The following CDH12 variants were observed in gnomAD, a reference collection of about 807,000 sequenced individuals.
The protein encoded by CDH12 is cadherin 12, also known as cadherin-12.
Under a neutral mutation model 74.1 loss-of-function variants are expected in CDH12, and 41 were observed. The ratio of observed to expected loss-of-function variants is 0.55; its 90% confidence interval spans 0.43 to 0.72. The LOEUF (loss-of-function observed/expected upper bound fraction) is 0.72. Among genes scored for constraint, CDH12 ranks in the 30% least tolerant of loss-of-function variants. The pLI, the probability that CDH12 is intolerant of heterozygous loss-of-function variation, is 0.00. For synonymous variants in CDH12, 399 were observed against 355.0 expected, an observed-to-expected ratio of 1.12 and a Z score of -1.39; for missense variants, 945 against 977.2, an observed-to-expected ratio of 0.97 and a Z score of 0.44.
At chr5:22,247,187 A>T (rs1302270458) in intron 3 of CDH12, among the ~76,000 whole-genome samples, 3 of 152,220 alleles carry the variant, frequency 2.0e-5, no homozygotes, top group South Asian at 4.1e-4. Flanking sequence ...ATTTAAAAAC[A>T]TTTACTGGCT....
At chr5:22,771,984 A>T (rs959797544) in intron 1 of CDH12, among the ~76,000 whole-genome samples, 3 of 152,042 alleles carry the variant, frequency 2.0e-5, no homozygotes, top group African/African-American at 7.2e-5. Flanking sequence ...ATTGACAACT[A>T]TAGAGGACAT....
chr5:22,384,342 G>T (rs1741898948), intron 3 of CDH12, among the ~76,000 whole-genome samples: 1 of 151,034 alleles, frequency 6.6e-6, no homozygotes, highest in South Asian at 2.1e-4. Context: ...GGCTAACACG[G>T]TGAAACCCCG....
intron 4 of CDH12, among the ~76,000 whole-genome samples, chr5:22,114,121 G>C (rs1427645184): frequency 6.6e-6 from 1 of 152,116 alleles, no homozygotes; most frequent in East Asian, 1.9e-4. Context: ...AACAGCAGTA[G>C]GAGCTTTTTG....
At position 22,552,179 on chromosome 5, in the gene CDH12, A is replaced by T. The variant is rs559280219; in HGVS notation, c.-522-46815T>A. On this transcript the variant is annotated intron_variant, in intron 1 of 14. Transcript: ENST00000382254. ...TTTATTATGTTGAGACTTTAAATAT[A>T]CAAAGGGGAGAGCTCCTTCTATAGC... 1.8e-3 allele frequency among the ~76,000 whole-genome samples: 275 copies of T among 152,226 alleles called. 2 individuals are homozygous for T. Among genetic ancestry groups the T allele is most frequent in the African/African-American group, 6.5e-3 (272 of 41,544 alleles).
intron 5 of CDH12, among the ~76,000 whole-genome samples, chr5:21,982,292 A>G (rs1364032110): frequency 1.3e-5 from 2 of 152,020 alleles, no homozygotes; most frequent in Non-Finnish European, 2.9e-5. Flanking sequence ...CAATTAAAAC[A>G]TTGGCTTTTC....
chr5:22,468,816 A>G (rs1384153946), intron 2 of CDH12, among the ~76,000 whole-genome samples: 3 of 152,198 alleles, frequency 2.0e-5, no homozygotes, highest in Non-Finnish European at 4.4e-5. Context: ...TTAGATAGAT[A>G]CAGATATACA....
chr5:22,604,336 A>T (rs1736994192), intron 1 of CDH12, among the ~76,000 whole-genome samples: 1 of 152,212 alleles, frequency 6.6e-6, no homozygotes, highest in Non-Finnish European at 1.5e-5. Flanking sequence ...GTTCATGATC[A>T]CAAAGCTGTG....
At chr5:21,860,178 ATGTT>A (rs540771401) in intron 6 of CDH12, among the ~76,000 whole-genome samples, 170 of 152,192 alleles carry the variant, frequency 1.1e-3, no homozygotes, top group African/African-American at 3.9e-3. Context: ...TGTTAAGAAT[ATGTT>A]TGTGCATGTA....
At chr5:22,570,146 C>G (rs1364934859) in intron 1 of CDH12, among the ~76,000 whole-genome samples, 1 of 151,928 alleles carries the variant, frequency 6.6e-6, no homozygotes, top group African/African-American at 2.4e-5. Context: ...ACCTTCACCT[C>G]CCAGGTTCAA....
chr5:21,918,616 A>C (rs1754215072), intron 6 of CDH12, among the ~76,000 whole-genome samples: 1 of 151,954 alleles, frequency 6.6e-6, no homozygotes. Flanking sequence ...GGACTACAAA[A>C]CCATCAGCTC....
At chr5:22,021,992 T>A (rs1259130255) in intron 5 of CDH12, among the ~76,000 whole-genome samples, 4 of 152,126 alleles carry the variant, frequency 2.6e-5, no homozygotes, top group Non-Finnish European at 5.9e-5. Flanking sequence ...CATGACACTA[T>A]GCCTAGATAA....
rs374865223 is a variant in CDH12 at position 22,236,585 on chromosome 5, C to A, written c.-332-23942G>T. 8.6e-5 allele frequency among the ~76,000 whole-genome samples: 13 copies of A among 151,824 alleles called. No individual in the cohort carries two copies. The East Asian group carries it at 1.9e-3, about 23-fold the overall frequency. ...CCATCTCTACTAAAAATACAAAAAA[C>A]ACACACAAAAAATTAGCTGGACATT... On this transcript the variant is annotated intron_variant, in intron 3 of 14. Transcript: ENST00000382254.
At chr5:22,399,749 G>A (rs1742633403) in intron 3 of CDH12, among the ~76,000 whole-genome samples, 1 of 151,606 alleles carries the variant, frequency 6.6e-6, no homozygotes, top group Non-Finnish European at 1.5e-5. Flanking sequence ...CTAAATGCAG[G>A]TTTTGAAATG....
chr5:22,633,875 C>T (rs1738703732), intron 1 of CDH12, among the ~76,000 whole-genome samples: 1 of 152,164 alleles, frequency 6.6e-6, no homozygotes, highest in Non-Finnish European at 1.5e-5. Flanking sequence ...AGATACACAT[C>T]TCCTATTAAT....
At chr5:22,494,694 A>C (rs2126645933) in intron 2 of CDH12, among the ~76,000 whole-genome samples, 1 of 152,324 alleles carries the variant, frequency 6.6e-6, no homozygotes, top group Non-Finnish European at 1.5e-5. Context: ...GATGATGTTA[A>C]GTGAGGACTT....
intron 1 of CDH12, among the ~76,000 whole-genome samples, chr5:22,711,487 C>CA (rs1743286022): frequency 6.6e-6 from 1 of 152,022 alleles, no homozygotes; most frequent in Non-Finnish European, 1.5e-5. Context: ...AAACAAAGGT[C>CA]ATCATTGGAA....
At chr5:22,817,963 GA>G (rs1475756018) in intron 1 of CDH12, among the ~76,000 whole-genome samples, 1 of 152,148 alleles carries the variant, frequency 6.6e-6, no homozygotes, top group East Asian at 1.9e-4. Flanking sequence ...TGTGGACCAT[GA>G]AAAGTGAAAA....
intron 2 of CDH12, among the ~76,000 whole-genome samples, chr5:22,445,180 A>T (rs1744773883): frequency 6.6e-6 from 1 of 152,232 alleles, no homozygotes; most frequent in East Asian, 1.9e-4. Flanking sequence ...TATAGGAAAC[A>T]CAAAGAACTG....
chr5:21,889,813 A>T, intron 6 of CDH12: 1 of 985,324 alleles, frequency 1.0e-6, no homozygotes, highest in Non-Finnish European at 1.2e-6. Flanking sequence ...AATATAGATG[A>T]TGAAGAACAG....
Sources: gnomAD v4.1 joint callset for allele counts (sites outside exome capture counted in the v4.1 genomes callset) on GRCh38, gnomAD v4.1.1 for gene constraint, MANE v1.5 for transcripts, NCBI Gene and HGNC (gene_info 2026-07-23, HGNC 2026-07-21) for gene names.